CTNNA3: variants seen among roughly 807,000 people sequenced by gnomAD.
CTNNA3 encodes the protein catenin alpha 3, also known as catenin alpha-3.
CTNNA3 carries 76 observed loss-of-function variants against 95.7 expected under a neutral mutation model. The observed-to-expected ratio is 0.79, with a 90% CI of 0.66 to 0.96. CTNNA3 has a LOEUF of 0.96. Ranked by LOEUF, CTNNA3 falls within the 40% of genes least tolerant of loss-of-function variation. CTNNA3 has a pLI of 0.00. For missense variants in CTNNA3, 1,191 were observed against 1,089.8 expected, an observed-to-expected ratio of 1.09 and a Z score of -1.31; for synonymous variants, 431 against 374.4, an observed-to-expected ratio of 1.15 and a Z score of -1.74.
intron 5 of CTNNA3, among the ~76,000 whole-genome samples, chr10:67,228,236 G>T (rs565380387): frequency 1.3e-5 from 2 of 152,272 alleles, no homozygotes; most frequent in South Asian, 2.1e-4. Flanking sequence ...GAAACAAAAA[G>T]TTAGTTTTTT....
At chr10:67,355,364 T>A (rs1455523611) in intron 5 of CTNNA3, among the ~76,000 whole-genome samples, 1 of 152,036 alleles carries the variant, frequency 6.6e-6, no homozygotes, top group Admixed American at 6.6e-5. Context: ...CAAAGTACCA[T>A]ACTGTGTGTA....
intron 17 of CTNNA3, among the ~76,000 whole-genome samples, chr10:65,964,265 G>A (rs2077911780): frequency 6.6e-6 from 1 of 152,178 alleles, no homozygotes; most frequent in African/African-American, 2.4e-5. Context: ...TATTTAGAAA[G>A]CTTTCTAGGA....
At chr10:66,426,706 T>G (rs950754766) in intron 11 of CTNNA3, among the ~76,000 whole-genome samples, 1 of 151,950 alleles carries the variant, frequency 6.6e-6, no homozygotes, top group African/African-American at 2.4e-5. Context: ...ATATAACCAG[T>G]TAAGGATTGT....
At chr10:66,402,158 C>T (rs2093026410) in intron 11 of CTNNA3, among the ~76,000 whole-genome samples, 2 of 152,090 alleles carry the variant, frequency 1.3e-5, no homozygotes, top group African/African-American at 4.8e-5. Flanking sequence ...TTTTATATTA[C>T]TCATAATTCA....
At chr10:66,773,732 A>G (rs1840186705) in intron 8 of CTNNA3, among the ~76,000 whole-genome samples, 1 of 152,244 alleles carries the variant, frequency 6.6e-6, no homozygotes, top group Non-Finnish European at 1.5e-5. Context: ...GAAACCATAC[A>G]GAATGTTAAT....
intron 13 of CTNNA3, among the ~76,000 whole-genome samples, chr10:66,214,996 T>C (rs1018777413): frequency 2.6e-5 from 4 of 152,008 alleles, no homozygotes; most frequent in African/African-American, 7.3e-5. Flanking sequence ...GATAGATAGA[T>C]AGATGCATAG....
At chr10:65,988,935 T>A in intron 15 of CTNNA3, 138 bp from the exon 16 acceptor site, 2 of 600,824 alleles carry the variant, frequency 3.3e-6, no homozygotes, top group Non-Finnish European at 5.8e-6. Context: ...AAAGAACGGC[T>A]ATTGTTTTTG....
chr10:67,444,872 C>A (rs1280677381), intron 5 of CTNNA3, among the ~76,000 whole-genome samples: 1 of 151,860 alleles, frequency 6.6e-6, no homozygotes, highest in Non-Finnish European at 1.5e-5. Context: ...CTGAAGAGAC[C>A]AATAATAAGC....
rs929112037 is a variant in CTNNA3, at chr10:66,377,637, G to A, written c.1732+1515C>T. On this transcript the variant is annotated intron_variant, in intron 12 of 17. Coordinates refer to ENST00000433211, the MANE Select transcript of CTNNA3 (RefSeq NM_013266.4). The stretch of plus-strand genomic sequence containing the variant: ...GATTTTACCTAACCAATTCCTGATA[G>A]GAAATTTTTATTTGTCTAAAAAAAA... Among the ~76,000 whole-genome samples the A allele has an allele frequency of 2.6e-5, 4 of 151,050 alleles. No individual in the cohort carries two copies. In the East Asian group the frequency reaches 7.9e-4, roughly 30 times the overall value.
chr10:66,416,804 C>T (rs1163911870), intron 11 of CTNNA3, among the ~76,000 whole-genome samples: 4 of 151,902 alleles, frequency 2.6e-5, no homozygotes, highest in Admixed American at 2.6e-4. Flanking sequence ...ACAATAAATA[C>T]TCAAAGAACT....
At chr10:66,680,675 T>C (rs1422027479) in intron 9 of CTNNA3, among the ~76,000 whole-genome samples, 1 of 152,138 alleles carries the variant, frequency 6.6e-6, no homozygotes, top group Non-Finnish European at 1.5e-5. Flanking sequence ...CAATAGTCAA[T>C]AATTTTCTGA....
chr10:67,441,406 A>G (rs1376667849), intron 5 of CTNNA3, among the ~76,000 whole-genome samples: 1 of 152,168 alleles, frequency 6.6e-6, no homozygotes, highest in African/African-American at 2.4e-5. Flanking sequence ...CAAAAATACA[A>G]TATCAGAGAA....
intron 10 of CTNNA3, among the ~76,000 whole-genome samples, chr10:66,600,734 T>A (rs1843890416): frequency 6.6e-6 from 1 of 151,874 alleles, no homozygotes; most frequent in Non-Finnish European, 1.5e-5. Flanking sequence ...TCAAGTAATA[T>A]TGGCATCCTT....
intron 9 of CTNNA3, among the ~76,000 whole-genome samples, chr10:66,660,474 G>A (rs759804127): frequency 8.5e-5 from 13 of 152,160 alleles, no homozygotes; most frequent in Non-Finnish European, 1.2e-4. Context: ...TCTTAGAGTT[G>A]TGCTAGAGAG....
chr10:67,483,534 G>T (rs576782955), intron 5 of CTNNA3, among the ~76,000 whole-genome samples: 5 of 150,954 alleles, frequency 3.3e-5, no homozygotes, highest in African/African-American at 1.2e-4. Flanking sequence ...ACCAAACACC[G>T]CATGTTCTCA....
intron 5 of CTNNA3, among the ~76,000 whole-genome samples, chr10:67,465,141 T>C (rs1015097800): frequency 2.1e-5 from 3 of 145,452 alleles, no homozygotes; most frequent in Non-Finnish European, 3.0e-5. Flanking sequence ...TAAAGTCTTA[T>C]GCATGTGGTG....
At chr10:66,512,444 G>A (rs1347644229) in intron 11 of CTNNA3, among the ~76,000 whole-genome samples, 2 of 151,952 alleles carry the variant, frequency 1.3e-5, no homozygotes, top group African/African-American at 2.4e-5. Flanking sequence ...TATAGCCTTA[G>A]TTCCTTTCTT....
intron 3 of CTNNA3, among the ~76,000 whole-genome samples, chr10:67,603,397 G>A (rs959366319): frequency 2.0e-5 from 3 of 152,126 alleles, no homozygotes; most frequent in Admixed American, 2.0e-4. Flanking sequence ...GTAGTGCAAC[G>A]CCTGTGGGTT....
At chr10:67,193,072 TA>T (rs149608202) in intron 6 of CTNNA3, among the ~76,000 whole-genome samples, 11,311 of 151,890 alleles carry the variant, frequency 0.074, 594 homozygotes, top group African/African-American at 0.15. Context: ...ACATAAATCA[TA>T]AAAACAGAGT....
Sources: allele counts gnomAD v4.1 joint callset (sites outside exome capture counted in the v4.1 genomes callset), GRCh38; gene constraint gnomAD v4.1.1; transcripts MANE v1.5; gene names NCBI Gene and HGNC (gene_info 2026-07-23, HGNC 2026-07-21).